NRL: variants seen among roughly 807,000 people sequenced by gnomAD.
NRL encodes neural retina leucine zipper, also known as neural retina-specific leucine zipper protein.
NRL carries 16 observed loss-of-function variants against 12.5 expected under a neutral mutation model. That is an observed-to-expected ratio of 1.28 (90% CI 0.87 to 1.95). The LOEUF (loss-of-function observed/expected upper bound fraction) is 1.95, where lower values mean the gene tolerates loss of function less well. Among genes scored for constraint, NRL ranks in the 30% most tolerant of loss-of-function variants. The pLI, the probability that NRL is intolerant of heterozygous loss-of-function variation, is 0.00. For missense variants in NRL, 314 were observed against 325.8 expected, an observed-to-expected ratio of 0.96 and a Z score of 0.28; for synonymous variants, 142 against 150.9, an observed-to-expected ratio of 0.94 and a Z score of 0.43.
chr14:24,104,764 C>G (rs1033220561), intron 1 of NRL, among the ~76,000 whole-genome samples: 38 of 152,278 alleles, frequency 2.5e-4, no homozygotes, highest in Admixed American at 2.2e-3. Flanking sequence ...CTCTACAACT[C>G]CATTCTCCAG....
At chr14:24,103,510 G>A (rs747934849) in intron 1 of NRL, 7 of 1,543,540 alleles carry the variant, frequency 4.5e-6, no homozygotes, top group Non-Finnish European at 5.2e-6. Context: ...TCCCCCCCAG[G>A]GAAGATCATC....
chr14:24,097,582 A>T (rs1392658139), intron 1 of NRL, among the ~76,000 whole-genome samples: 10 of 109,380 alleles, frequency 9.1e-5, no homozygotes, highest in African/African-American at 3.1e-4. Flanking sequence ...AAAAAGAAAG[A>T]AACTGGGATT....
chr14:24,096,274 T>G (rs1307095980), intron 1 of NRL, among the ~76,000 whole-genome samples: 2 of 144,298 alleles, frequency 1.4e-5, no homozygotes, highest in Admixed American at 1.4e-4. Context: ...AGTCTTGCTC[T>G]GTCGCCCAGG....
chr14:24,114,867 G>C lies in NRL; in HGVS notation c.-173C>G. On this transcript the variant is annotated 5_prime_UTR_variant, in exon 1 of 3. Coordinates refer to ENST00000561028, the MANE Select transcript of NRL (RefSeq NM_001354768.3). ...AGGAGCGGTTGGCCAACGCAGTGGC[G>C]GCAGTCGGTGTAAACAAGGCCTCGC... 2 of 985,958 alleles carry C rather than the reference G, an allele frequency of 2.0e-6. No homozygotes were observed. Among genetic ancestry groups the C allele is most frequent in the Non-Finnish European group, 2.4e-6 (2 of 829,964 alleles). The allele number at this position is 985,958 out of a possible 1,614,324, so 61.1% of individuals were successfully genotyped here.
chr14:24,103,623 C>A, intron 1 of NRL: 1 of 1,613,930 alleles, frequency 6.2e-7, no homozygotes. Flanking sequence ...CCAGCTGCCC[C>A]GTATCTTCCA....
At position 24,078,784 on chromosome 14, in the gene NRL, C is replaced by G. The variant is rs1419455658; in HGVS notation, c.*2452G>C. Among the ~76,000 whole-genome samples the G allele has an allele frequency of 6.6e-6, 1 of 152,086 alleles. No homozygotes were observed. The highest frequency in any genetic ancestry group is 6.5e-5 in the Admixed American group (1 of 15,274). Reference sequence around the variant, plus strand: ...AATCAAGTGAGGCTTGATTTTAACCCACCCATGGTCAAAAAACTGGTAGAA... The same window carrying G: ...AATCAAGTGAGGCTTGATTTTAACCGACCCATGGTCAAAAAACTGGTAGAA... On this transcript the variant is annotated 3_prime_UTR_variant, in exon 3 of 3. Coordinates refer to ENST00000561028, the MANE Select transcript of NRL (RefSeq NM_001354768.3).
intron 1 of NRL, chr14:24,099,639 G>A (rs1001660592): frequency 6.2e-7 from 1 of 1,614,086 alleles, no homozygotes; most frequent in South Asian, 1.1e-5. Context: ...GACCAACCTG[G>A]CTATGATGCG....
intron 1 of NRL, chr14:24,104,002 C>A: frequency 6.7e-7 from 1 of 1,481,576 alleles, no homozygotes; most frequent in Non-Finnish European, 9.4e-7. Context: ...ATAGCACCCT[C>A]ATCTGGGAAT....
intron 1 of NRL, among the ~76,000 whole-genome samples, chr14:24,088,409 G>T (rs529912515): frequency 6.6e-6 from 1 of 152,346 alleles, no homozygotes; most frequent in East Asian, 1.9e-4. Context: ...TTCCACACAA[G>T]GCCCCTTGCA....
rs1216649547 is a variant in NRL at position 24,080,333 on chromosome 14, C to G, written c.*903G>C. 6.6e-6 allele frequency: 1 copy of G among 152,220 alleles called. No homozygotes were observed. Among genetic ancestry groups the G allele is most frequent in the Non-Finnish European group, 1.5e-5 (1 of 68,036 alleles). 9.4% of individuals were successfully genotyped at this position (152,220 alleles called of 1,614,324 possible). ...GCTGCCGAGGACCCACGTATGTGCTCACAGAGAAGCCAGGCTTCCTCGCCT... is the reference window on the plus strand; with the variant it reads ...GCTGCCGAGGACCCACGTATGTGCTGACAGAGAAGCCAGGCTTCCTCGCCT... On this transcript the variant is annotated 3_prime_UTR_variant, in exon 3 of 3. Coordinates refer to ENST00000561028, the MANE Select transcript of NRL (RefSeq NM_001354768.3).
intron 1 of NRL, among the ~76,000 whole-genome samples, chr14:24,106,398 G>A (rs978673728): frequency 4.6e-5 from 7 of 152,178 alleles, no homozygotes; most frequent in Non-Finnish European, 8.8e-5. Flanking sequence ...GGTCAGAGTG[G>A]AACAGAGGTT....
intron 1 of NRL, chr14:24,098,931 A>T (rs546345671): frequency 9.0e-5 from 73 of 813,998 alleles, no homozygotes; most frequent in Middle Eastern, 7.3e-4. Context: ...GGCTTCAGCC[A>T]CCTCTTGGTG....
At chr14:24,110,699 TC>T (rs949259353) in intron 1 of NRL, 2 of 152,348 alleles carry the variant, frequency 1.3e-5, no homozygotes, top group African/African-American at 4.8e-5. Context: ...TTTCCAGTGT[TC>T]CACTTTTATC....
Position 24,094,092 on chromosome 14 carries a change from G to A in NRL, c.-27-11217C>T, listed in dbSNP as rs1264436010. The stretch of plus-strand genomic sequence containing the variant: ...GGATGGGGGGCGGGGCCTCGAAGTC[G>A]GGGGCCGAAGAGTGGACCCAGTCCT... On this transcript the variant is annotated intron_variant, in intron 1 of 2. Coordinates refer to ENST00000561028, the MANE Select transcript of NRL (RefSeq NM_001354768.3). The surrounding 1 kb of genome is among the most constrained non-coding windows in gnomAD (Gnocchi z 4.1). The A allele has an allele frequency of 4.1e-5, 22 of 532,766 alleles. No homozygotes were observed. The Middle Eastern group carries it at 8.5e-4, about 21-fold the overall frequency. The allele number at this position is 532,766 out of a possible 1,614,324, so 33.0% of individuals were successfully genotyped here. A position where few individuals can be genotyped will look rare whatever the true frequency, so the allele number is the denominator to read the frequency against.
chr14:24,088,935 G>A (rs1022183746), intron 1 of NRL, among the ~76,000 whole-genome samples: 5 of 150,458 alleles, frequency 3.3e-5, no homozygotes, highest in African/African-American at 1.2e-4. Flanking sequence ...ACTCCGGCTG[G>A]AACTACAGGC....
In NRL at chr14:24,083,030, G is replaced by A. The variant is rs184632197; in HGVS notation, c.-27-155C>T. Among the ~76,000 whole-genome samples the A allele has an allele frequency of 1.4e-3, 207 of 152,346 alleles. 1 individual carries two copies. The highest frequency in any genetic ancestry group is 4.7e-3 in the African/African-American group (197 of 41,580). The stretch of plus-strand genomic sequence containing the variant: ...TCTGTTCACTGCAGAGTCCCCACCA[G>A]GCTGAAGAGTAACCTTTCAGAGGGC... On this transcript the variant is annotated intron_variant, in intron 1 of 2. Coordinates refer to ENST00000561028, the MANE Select transcript of NRL (RefSeq NM_001354768.3).
rs143566618 is a variant in NRL, at chr14:24,085,725, T to C, written c.-27-2850A>G. Among the ~76,000 whole-genome samples, 115 of 152,242 alleles carry C rather than the reference T, an allele frequency of 7.6e-4. 1 individual carries two copies. In the East Asian group the frequency reaches 0.022, roughly 29 times the overall value. ...ATAAAACTTAACCTGGTCCCAGCCT[T>C]ATATGTTGGGGAAAAGCTGGCAGAT... On this transcript the variant is annotated intron_variant, in intron 1 of 2. Transcript: ENST00000561028. The surrounding 1 kb of genome is among the most constrained non-coding windows in gnomAD (Gnocchi z 4.1).
At chr14:24,087,488 C>T (rs1212928388) in intron 1 of NRL, among the ~76,000 whole-genome samples, 3 of 152,150 alleles carry the variant, frequency 2.0e-5, no homozygotes, top group East Asian at 1.9e-4. Context: ...GAAAATGAGA[C>T]AGTCAGCATT....
At chr14:24,098,699 A>C in intron 1 of NRL, 1 of 1,603,190 alleles carries the variant, frequency 6.2e-7, no homozygotes, top group South Asian at 1.1e-5. Flanking sequence ...GCTCTGCCCC[A>C]AGGGGAACAC....
Sources: gnomAD v4.1 joint callset for allele counts (sites outside exome capture counted in the v4.1 genomes callset) on GRCh38, gnomAD v4.1.1 for gene constraint, Gnocchi (gnomAD v3.1) non-coding constraint, MANE v1.5 for transcripts, NCBI Gene and HGNC (gene_info 2026-07-23, HGNC 2026-07-21) for gene names.